DLGAP5: variants seen among roughly 807,000 people sequenced by gnomAD.
The protein encoded by DLGAP5 is disks large-associated protein 5.
Under a neutral mutation model 99.6 loss-of-function variants are expected in DLGAP5, and 90 were observed. The observed-to-expected ratio is 0.90, with a 90% CI of 0.76 to 1.08. The LOEUF (loss-of-function observed/expected upper bound fraction) is 1.08, where lower values mean the gene tolerates loss of function less well. DLGAP5 is among the 50% of genes least tolerant of loss of function. The pLI is 0.00. For synonymous variants in DLGAP5, 311 were observed against 321.3 expected (o/e 0.97, Z 0.34); for missense variants, 1,036 against 983.5 (o/e 1.05, Z -0.71).
intron 13 of DLGAP5, among the ~76,000 whole-genome samples, chr14:55,159,836 A>G (rs1882354109): frequency 6.6e-6 from 1 of 152,214 alleles, no homozygotes; most frequent in South Asian, 2.1e-4. Flanking sequence ...AAAAACATTT[A>G]AGGGATAAAT....
rs1400788712 is a variant in DLGAP5, at chr14:55,175,361, C to A, written c.1286G>T (p.Gly429Val). The A allele has an allele frequency of 1.2e-6, 2 of 1,609,610 alleles. No homozygotes were observed. The highest frequency in any genetic ancestry group is 1.7e-5 in the Admixed American group (1 of 59,078). ...NEGRIAQPHH[G>V]VPYFRNILQS... The stretch of plus-strand genomic sequence containing the variant: ...ACAGACATACCTGAAATATGGCACA[C>A]CATGGTGGGGCTGAGCAATTCGACC... The change falls in exon 10 of 19, where the codon GGT becomes GTT. Residue 429 changes from glycine (G) to valine (V), a missense_variant. By Grantham distance (109) the Gly-to-Val change is moderately radical. Coordinates refer to ENST00000247191, the MANE Select transcript of DLGAP5 (RefSeq NM_014750.5).
At chr14:55,190,224 G>A (rs1451560583) in intron 1 of DLGAP5, among the ~76,000 whole-genome samples, 3 of 151,942 alleles carry the variant, frequency 2.0e-5, no homozygotes, top group Non-Finnish European at 4.4e-5. Context: ...GAGCCCAGGA[G>A]TTTGAGACCA....
At chr14:55,164,625 A>G (rs1432081511) in intron 12 of DLGAP5, among the ~76,000 whole-genome samples, 2 of 152,062 alleles carry the variant, frequency 1.3e-5, no homozygotes, top group East Asian at 1.9e-4. Context: ...TCACAACATA[A>G]AAGAAAAAAA....
Position 55,169,401 on chromosome 14 carries a change from G to A in DLGAP5, c.1546C>T (p.Gln516Ter). 1 of 1,450,552 alleles carries A rather than the reference G, an allele frequency of 6.9e-7. No individual in the cohort carries two copies. The highest frequency in any genetic ancestry group is 1.4e-5 in the South Asian group (1 of 71,996). 89.9% of individuals were successfully genotyped at this position (1,450,552 alleles called of 1,614,324 possible). Residue 516 changes from glutamine (Q) to a stop codon, truncating the protein, a stop_gained and splice_region_variant, in exon 12 of 19, where the codon CAG becomes TAG. Transcript: ENST00000247191. LOFTEE classifies it high-confidence loss of function. ...ATTTGAAATATTGAACCACATACCTGAAAACTAACCATATCCCAAAATCCA... is the reference window on the plus strand; with the variant it reads ...ATTTGAAATATTGAACCACATACCTAAAAACTAACCATATCCCAAAATCCA... ...LDGFWDMVSF[Q>*]IEDVIHKFNN...
At chr14:55,152,715 C>A (rs946278684) in intron 15 of DLGAP5, 68 bp from the exon 16 acceptor site, 4 of 1,352,020 alleles carry the variant, frequency 3.0e-6, no homozygotes, top group East Asian at 2.5e-5. Flanking sequence ...TATTTTGAGT[C>A]TTTCCTTTAA....
chr14:55,172,412 T>TTATAAA (rs927566874), intron 10 of DLGAP5, among the ~76,000 whole-genome samples: 2 of 152,036 alleles, frequency 1.3e-5, no homozygotes, highest in African/African-American at 4.8e-5. Context: ...TGTATTAAGG[T>TTATAAA]TATAAATATT....
chr14:55,185,967 T>C (rs761940408), intron 2 of DLGAP5, among the ~76,000 whole-genome samples: 9 of 152,200 alleles, frequency 5.9e-5, no homozygotes, highest in Non-Finnish European at 1.3e-4. Context: ...AGTATATACT[T>C]CTAAAAAATA....
intron 6 of DLGAP5, among the ~76,000 whole-genome samples, chr14:55,180,175 A>G (rs1169102750): frequency 1.3e-5 from 2 of 152,160 alleles, no homozygotes; most frequent in East Asian, 3.9e-4. Context: ...AGAAAACTAC[A>G]AAGAACAATA....
intron 4 of DLGAP5, among the ~76,000 whole-genome samples, chr14:55,182,106 C>T (rs969445257): frequency 2.0e-5 from 3 of 152,138 alleles, no homozygotes; most frequent in Admixed American, 6.6e-5. Flanking sequence ...ATGCAGGTAA[C>T]TTGGAATGCA....
intron 5 of DLGAP5, 44 bp from the exon 6 acceptor site, chr14:55,180,822 A>G (rs755478948): frequency 1.9e-6 from 3 of 1,608,500 alleles, no homozygotes; most frequent in South Asian, 2.2e-5. Flanking sequence ...CCTTGTAGTT[A>G]TGAAATTATT....
In DLGAP5 at chr14:55,175,924, G is replaced by A. The variant is rs779921686; in HGVS notation, c.1144C>T (p.Pro382Ser). The change falls in exon 9 of 19, where the codon CCT (proline) becomes TCT (serine). Residue 382 changes from proline to serine, a missense_variant. Pro to Ser is a moderately conservative substitution (Grantham distance 74). Transcript: ENST00000247191. ...TGCCAAACAGTTAGAGGACCCAAAG[G>A]ACATGGCAATTTATTTGAATCTTGC... ...IQQDSNKLPC[P>S]LGPLTVWHEE... The A allele has an allele frequency of 3.7e-6, 6 of 1,608,088 alleles. No homozygotes were observed. Among genetic ancestry groups the A allele is most frequent in the Middle Eastern group, 3.3e-4 (2 of 6,064 alleles).
intron 12 of DLGAP5, among the ~76,000 whole-genome samples, chr14:55,164,847 G>A (rs918338586): frequency 8.0e-5 from 12 of 150,398 alleles, no homozygotes; most frequent in South Asian, 6.3e-4. Context: ...GCTTGAACCC[G>A]GAAGGCAGAG....
intron 12 of DLGAP5, among the ~76,000 whole-genome samples, chr14:55,168,501 G>T (rs1882725391): frequency 6.6e-6 from 1 of 152,078 alleles, no homozygotes; most frequent in South Asian, 2.1e-4. Context: ...AATGTCTATT[G>T]TTGGCTGTTG....
intron 18 of DLGAP5, among the ~76,000 whole-genome samples, chr14:55,149,374 C>T (rs1881931376): frequency 1.3e-5 from 2 of 152,222 alleles, no homozygotes; most frequent in South Asian, 2.1e-4. Flanking sequence ...AAGAATGGTA[C>T]GTGGGTCACA....
chr14:55,150,829 A>C lies in DLGAP5; in HGVS notation c.2388T>G (p.Ser796Arg). Residue 796 changes from serine (S) to arginine (R), a missense_variant, in exon 18 of 19, where the codon AGT (serine) becomes AGG (arginine). Transcript: ENST00000247191. ...ISQSELFDNK[S>R]LTTECHLLDS... ...CAAGAAGGTGGCATTCAGTAGTGAG[A>C]CTTTTATTATCAAATAGTTCTGAAA... The C allele has an allele frequency of 6.3e-7, 1 of 1,584,342 alleles. No individual in the cohort carries two copies. The highest frequency in any genetic ancestry group is 1.2e-5 in the South Asian group (1 of 84,704).
chr14:55,167,670 G>A (rs895810407), intron 12 of DLGAP5, among the ~76,000 whole-genome samples: 11 of 152,280 alleles, frequency 7.2e-5, no homozygotes, highest in African/African-American at 2.4e-4. Context: ...ATGGAAGGAG[G>A]TGAACTTTGA....
chr14:55,180,884 A>G, intron 5 of DLGAP5, 106 bp from the exon 6 acceptor site: 3 of 1,416,196 alleles, frequency 2.1e-6, no homozygotes, highest in Non-Finnish European at 1.9e-6. Context: ...GCTACTTGGG[A>G]GGCAGGAGGA....
intron 13 of DLGAP5, among the ~76,000 whole-genome samples, chr14:55,161,165 ATAAAG>A (rs1882415348): frequency 6.6e-6 from 1 of 152,168 alleles, no homozygotes; most frequent in Admixed American, 6.5e-5. Flanking sequence ...AGCCTATAAA[ATAAAG>A]TAGGAGAGAG....
intron 14 of DLGAP5, among the ~76,000 whole-genome samples, chr14:55,155,530 T>G (rs1231937610): frequency 1.3e-5 from 2 of 149,180 alleles, no homozygotes; most frequent in Non-Finnish European, 3.0e-5. Context: ...GTATTTTTAG[T>G]AGAGATGAGG....
Sources: allele counts gnomAD v4.1 joint callset (sites outside exome capture counted in the v4.1 genomes callset), GRCh38; gene constraint gnomAD v4.1.1; transcripts MANE v1.5; gene names NCBI Gene and HGNC (gene_info 2026-07-23, HGNC 2026-07-21).